DOCK9: variants seen among roughly 807,000 people sequenced by gnomAD.
The protein encoded by DOCK9 is dedicator of cytokinesis 9, also known as dedicator of cytokinesis protein 9.
Under a neutral mutation model 263.3 loss-of-function variants are expected in DOCK9, and 89 were observed. The ratio of observed to expected loss-of-function variants is 0.34; its 90% CI spans 0.28 to 0.40. The LOEUF is 0.40. DOCK9 is among the 10% of genes least tolerant of loss of function. The pLI is 1.00. For synonymous variants in DOCK9, 976 were observed against 973.1 expected (o/e 1.00, Z -0.06); for missense variants, 2,140 against 2,603.4 (o/e 0.82, Z 3.87).
intron 1 of DOCK9, among the ~76,000 whole-genome samples, chr13:98,973,348 G>C (rs1359085638): frequency 1.3e-5 from 2 of 152,162 alleles, no homozygotes; most frequent in Non-Finnish European, 2.9e-5. Flanking sequence ...GGATAGGAAA[G>C]ATTTTCTAGT....
chr13:98,945,636 C>G (rs1328574820), intron 2 of DOCK9, among the ~76,000 whole-genome samples: 7 of 152,218 alleles, frequency 4.6e-5, no homozygotes, highest in Non-Finnish European at 1.0e-4. Flanking sequence ...GCTTTCTCTT[C>G]TCTATTCCCA....
At chr13:99,039,446 C>T (rs146933425) in intron 1 of DOCK9, among the ~76,000 whole-genome samples, 4,101 of 152,200 alleles carry the variant, frequency 0.027, 89 homozygotes, top group Middle Eastern at 0.044. Context: ...AAACCCTGCT[C>T]TTAAATGAAA....
intron 35 of DOCK9, among the ~76,000 whole-genome samples, chr13:98,851,797 T>C (rs1435891435): frequency 6.6e-6 from 1 of 152,200 alleles, no homozygotes; most frequent in African/African-American, 2.4e-5. Context: ...TAGAGTTCAA[T>C]GTGAAAATTT....
chr13:98,806,441 C>T (rs2090717791), intron 48 of DOCK9, among the ~76,000 whole-genome samples: 1 of 151,932 alleles, frequency 6.6e-6, no homozygotes, highest in Non-Finnish European at 1.5e-5. Flanking sequence ...CCTTCTAGAG[C>T]AATAAAAAGG....
intron 39 of DOCK9, among the ~76,000 whole-genome samples, chr13:98,836,480 G>A (rs1166278427): frequency 6.6e-6 from 1 of 152,164 alleles, no homozygotes; most frequent in Non-Finnish European, 1.5e-5. Context: ...TCTGGGGAGT[G>A]GCCCAAGGAT....
chr13:98,877,998 G>A lies in DOCK9; in HGVS notation c.2943+1900C>T, dbSNP rs150235330. Among the ~76,000 whole-genome samples the A allele has an allele frequency of 1.9e-3, 290 of 152,220 alleles. 3 individuals carry two copies. The South Asian group carries it at 0.025, about 13-fold the overall frequency. On this transcript the variant is annotated intron_variant, in intron 27 of 52. Coordinates refer to ENST00000682017, the MANE Select transcript of DOCK9 (RefSeq NM_001366683.2). ...TGAAGTCCTAACCCCTAACACTTCC[G>A]AATATGGCTGCACTTTGGGCCAAGG...
intron 1 of DOCK9, among the ~76,000 whole-genome samples, chr13:99,008,333 A>C (rs1178465346): frequency 1.3e-5 from 2 of 150,926 alleles, no homozygotes; most frequent in African/African-American, 2.4e-5. Context: ...CCCGGGGTTC[A>C]AGCAATTCTC....
chr13:99,047,913 T>C (rs2142180669), intron 1 of DOCK9, among the ~76,000 whole-genome samples: 1 of 152,220 alleles, frequency 6.6e-6, no homozygotes, highest in Non-Finnish European at 1.5e-5. Context: ...TCCCTTTCAC[T>C]GGCCTTTTAC....
intron 1 of DOCK9, among the ~76,000 whole-genome samples, chr13:98,994,708 T>C (rs1880607463): frequency 6.6e-6 from 1 of 152,018 alleles, no homozygotes. Context: ...AATTCATTGT[T>C]CCTTCCTCTT....
intron 44 of DOCK9, among the ~76,000 whole-genome samples, chr13:98,826,610 G>A (rs1206568663): frequency 6.6e-6 from 1 of 151,912 alleles, no homozygotes; most frequent in Non-Finnish European, 1.5e-5. Flanking sequence ...ATCAGAGGAG[G>A]TTACATGACA....
chr13:99,042,426 C>T (rs142072831), intron 1 of DOCK9, among the ~76,000 whole-genome samples: 18 of 152,332 alleles, frequency 1.2e-4, no homozygotes, highest in Non-Finnish European at 2.1e-4. Context: ...TCCTGCTGAA[C>T]GGGGATCCTT....
chr13:98,975,039 C>T (rs1274534275), intron 1 of DOCK9, among the ~76,000 whole-genome samples: 3 of 152,130 alleles, frequency 2.0e-5, no homozygotes, highest in African/African-American at 7.2e-5. Context: ...AATTAAATAA[C>T]GATCCAATTA....
rs2090567661 is a variant in DOCK9, at chr13:98,805,264, T to C, written c.5515-55A>G. 24 of 1,440,456 alleles carry C rather than the reference T, an allele frequency of 1.7e-5. 1 individual carries two copies. The South Asian group carries it at 2.9e-4, about 18-fold the overall frequency. The allele number at this position is 1,440,456 out of a possible 1,614,324, so 89.2% of individuals were successfully genotyped here. A position where few individuals can be genotyped will look rare whatever the true frequency, so the allele number is the denominator to read the frequency against. On this transcript the variant is annotated intron_variant, in intron 48 of 52. Coordinates refer to ENST00000682017, the MANE Select transcript of DOCK9 (RefSeq NM_001366683.2). The stretch of plus-strand genomic sequence containing the variant: ...GGTGCTCCATGAAGGAATCACTCAG[T>C]TCTTACCTACGTGGTATTTTCCAAC...
rs534984375 is a variant in DOCK9 at position 98,881,701 on chromosome 13, T to C, written c.2676-74A>G. 9 of 1,445,444 alleles carry C rather than the reference T, an allele frequency of 6.2e-6. No homozygotes were observed. The African/African-American group carries it at 1.1e-4, about 18-fold the overall frequency. The allele number at this position is 1,445,444 out of a possible 1,614,324, so 89.5% of individuals were successfully genotyped here. ...CATTTCATTATTATCACAGCAGTAG[T>C]AGAACAATGATGATGCTATCAGCAC... is the stretch of plus-strand genomic sequence containing the variant. On this transcript the variant is annotated intron_variant, in intron 24 of 52. Coordinates refer to ENST00000682017, the MANE Select transcript of DOCK9 (RefSeq NM_001366683.2).
chr13:98,948,884 C>G (rs1178489539), intron 2 of DOCK9, among the ~76,000 whole-genome samples: 2 of 152,190 alleles, frequency 1.3e-5, no homozygotes, highest in African/African-American at 4.8e-5. Flanking sequence ...ACAGGAGTTT[C>G]TTCCCTTTTC....
chr13:98,869,739 T>G (rs774746074), intron 27 of DOCK9, among the ~76,000 whole-genome samples: 1 of 152,244 alleles, frequency 6.6e-6, no homozygotes, highest in East Asian at 1.9e-4. Context: ...CCAGACTATA[T>G]TTTCCAGTCT....
intron 37 of DOCK9, 145 bp from the exon 38 acceptor site, chr13:98,846,205 C>G: frequency 9.7e-7 from 1 of 1,030,222 alleles, no homozygotes; most frequent in Non-Finnish European, 1.4e-6. Context: ...GAGACACAGA[C>G]AGGCGGCAGC....
At position 98,925,900 on chromosome 13, in the gene DOCK9, G is replaced by A. The variant is rs1185641991; in HGVS notation, c.353C>T (p.Ser118Phe). The A allele has an allele frequency of 1.3e-6, 2 of 1,586,328 alleles. No homozygotes were observed. Among genetic ancestry groups the A allele is most frequent in the East Asian group, 2.3e-5 (1 of 44,248 alleles). Residue 118 changes from serine to phenylalanine, a missense_variant, in exon 4 of 53, where the codon TCT becomes TTT. Transcript: ENST00000682017. ...FVTECIKTYN[S>F]DWHLVNYKYE... is the part of the protein sequence containing the mutation. The stretch of plus-strand genomic sequence containing the variant: ...TTTATAGTTCACAAGATGCCAGTCA[G>A]AGTTATAGGTTTTGATGCACTATTG...
rs1456806785 is a variant in DOCK9 at position 98,955,519 on chromosome 13, A to G, written c.159T>C (p.Tyr53=). 6.3e-7 allele frequency: 1 copy of G among 1,596,286 alleles called. No individual in the cohort carries two copies. The highest frequency in any genetic ancestry group is 1.1e-5 in the South Asian group (1 of 87,866). The change falls in exon 2 of 53, where the codon TAT becomes TAC. Residue 53 remains tyrosine, a synonymous_variant. Coordinates refer to ENST00000682017, the MANE Select transcript of DOCK9 (RefSeq NM_001366683.2). ...TCTTCTTCTGGACGATGACATTTTC[A>G]TAGTCGAGTGGCTCAATTAGCTTTG... is the stretch of plus-strand genomic sequence containing the variant. ...AKPKLIEPLD[Y]ENVIVQKKTQ...
Sources: allele counts gnomAD v4.1 joint callset (sites outside exome capture counted in the v4.1 genomes callset), GRCh38; gene constraint gnomAD v4.1.1; transcripts MANE v1.5; gene names NCBI Gene and HGNC (gene_info 2026-07-23, HGNC 2026-07-21).